Variants in PRKG1 observed in about 807,000 individuals in gnomAD.
PRKG1 encodes protein kinase cGMP-dependent 1.
In PRKG1, 35 loss-of-function variants were observed where a neutral mutation model predicts 88.1. The observed-to-expected ratio is 0.40, with a 90% CI of 0.30 to 0.53. The LOEUF (loss-of-function observed/expected upper bound fraction) is 0.53, where lower values mean the gene tolerates loss of function less well. PRKG1 is among the 20% of genes least tolerant of loss of function. The pLI is 0.59. For missense variants in PRKG1, 540 were observed against 839.8 expected (o/e 0.64, Z 4.41); for synonymous variants, 303 against 292.5 (o/e 1.04, Z -0.37).
intron 3 of PRKG1, among the ~76,000 whole-genome samples, chr10:51,730,699 A>G (rs1201960348): frequency 6.6e-6 from 1 of 152,252 alleles, no homozygotes; most frequent in East Asian, 1.9e-4. Context: ...GTCACAATCT[A>G]TGTAACCCCA....
At chr10:51,588,549 G>A (rs577141140) in intron 3 of PRKG1, among the ~76,000 whole-genome samples, 1 of 152,202 alleles carries the variant, frequency 6.6e-6, no homozygotes, top group East Asian at 1.9e-4. Context: ...ATATCTAAAT[G>A]GACTTTGCGA....
At chr10:51,993,442 C>T (rs1027041017) in intron 5 of PRKG1, among the ~76,000 whole-genome samples, 1 of 152,110 alleles carries the variant, frequency 6.6e-6, no homozygotes, top group Non-Finnish European at 1.5e-5. Flanking sequence ...AAAGCCCCCA[C>T]TTATTGAGCT....
intron 3 of PRKG1, among the ~76,000 whole-genome samples, chr10:51,777,677 A>G (rs895402976): frequency 3.3e-5 from 5 of 152,144 alleles, no homozygotes; most frequent in Non-Finnish European, 7.4e-5. Flanking sequence ...TGTACATTCT[A>G]TGGGTGTGGA....
At chr10:51,115,896 A>G (rs1190426494) in intron 1 of PRKG1, among the ~76,000 whole-genome samples, 2 of 151,960 alleles carry the variant, frequency 1.3e-5, no homozygotes, top group East Asian at 1.9e-4. Flanking sequence ...AAGAATTGTC[A>G]TAGTGCAAAC....
intron 2 of PRKG1, among the ~76,000 whole-genome samples, chr10:51,430,537 T>C (rs1838731888): frequency 6.6e-6 from 1 of 152,208 alleles, no homozygotes; most frequent in African/African-American, 2.4e-5. Context: ...ATAGCCTCTT[T>C]GATAAACAGT....
chr10:51,341,161 A>G (rs1841995788), intron 2 of PRKG1, among the ~76,000 whole-genome samples: 1 of 152,336 alleles, frequency 6.6e-6, no homozygotes, highest in Non-Finnish European at 1.5e-5. Context: ...AAGGGATTTA[A>G]CAAGAGGTGC....
chr10:51,297,302 T>C (rs1840746171), intron 2 of PRKG1, among the ~76,000 whole-genome samples: 1 of 152,128 alleles, frequency 6.6e-6, no homozygotes, highest in Non-Finnish European at 1.5e-5. Context: ...CACTTCTAGA[T>C]GGTGAACCTG....
chr10:51,611,043 G>C (rs10740313), intron 3 of PRKG1, among the ~76,000 whole-genome samples: 1 of 150,922 alleles, frequency 6.6e-6, no homozygotes, highest in Non-Finnish European at 1.5e-5. Context: ...ATGCATCCTG[G>C]AACTTACAGT....
At chr10:51,656,545 T>C (rs971104600) in intron 3 of PRKG1, among the ~76,000 whole-genome samples, 2 of 151,756 alleles carry the variant, frequency 1.3e-5, no homozygotes, top group African/African-American at 4.9e-5. Flanking sequence ...CCTAAACTGA[T>C]TCTTTCACCG....
At chr10:51,530,985 T>C (rs548780723) in intron 3 of PRKG1, among the ~76,000 whole-genome samples, 64 of 152,152 alleles carry the variant, frequency 4.2e-4, no homozygotes, top group Non-Finnish European at 7.1e-4. Flanking sequence ...ATCTCTCCGT[T>C]GAGTCAGTGA....
At chr10:51,316,713 A>AAAC (rs1841331603) in intron 2 of PRKG1, among the ~76,000 whole-genome samples, 1 of 139,002 alleles carries the variant, frequency 7.2e-6, no homozygotes, top group Non-Finnish European at 1.6e-5. Flanking sequence ...AATAAATAAA[A>AAAC]AGACAAAAAT....
chr10:51,110,686 A>G (rs1175673346), intron 1 of PRKG1, among the ~76,000 whole-genome samples: 1 of 152,102 alleles, frequency 6.6e-6, no homozygotes, highest in African/African-American at 2.4e-5. Context: ...ATATTTGTGT[A>G]TATTTTATAC....
chr10:52,006,569 C>A (rs546916635), intron 5 of PRKG1, among the ~76,000 whole-genome samples: 2 of 151,832 alleles, frequency 1.3e-5, no homozygotes, highest in African/African-American at 2.4e-5. Flanking sequence ...CTCAGTCAGA[C>A]CAAAATGAAG....
intron 2 of PRKG1, among the ~76,000 whole-genome samples, chr10:51,460,131 G>A (rs1302945792): frequency 6.6e-6 from 1 of 152,066 alleles, no homozygotes; most frequent in Non-Finnish European, 1.5e-5. Context: ...CTAAATGCCA[G>A]AGGACCCCCT....
intron 2 of PRKG1, among the ~76,000 whole-genome samples, chr10:51,162,518 A>G (rs1272237624): frequency 6.6e-6 from 1 of 152,240 alleles, no homozygotes; most frequent in Non-Finnish European, 1.5e-5. Flanking sequence ...ATTAAAATCA[A>G]TCTGAGAATT....
At chr10:51,041,710 C>T (rs1843426469) in intron 1 of PRKG1, among the ~76,000 whole-genome samples, 1 of 152,130 alleles carries the variant, frequency 6.6e-6, no homozygotes, top group South Asian at 2.1e-4. Context: ...AAGACAAAGT[C>T]CTCTTTACAT....
intron 3 of PRKG1, among the ~76,000 whole-genome samples, chr10:51,759,045 C>T (rs1006911466): frequency 2.0e-5 from 3 of 152,224 alleles, no homozygotes; most frequent in South Asian, 2.1e-4. Context: ...TTTATGGCTG[C>T]ATAGTATTCC....
intron 4 of PRKG1, among the ~76,000 whole-genome samples, chr10:51,846,735 G>A (rs1245250491): frequency 6.6e-6 from 1 of 152,000 alleles, no homozygotes; most frequent in Non-Finnish European, 1.5e-5. Flanking sequence ...ATTTAATTCT[G>A]TTGCCTCTTA....
chr10:51,547,725 C>T (rs1276582759), intron 3 of PRKG1, among the ~76,000 whole-genome samples: 1 of 152,042 alleles, frequency 6.6e-6, no homozygotes, highest in East Asian at 1.9e-4. Flanking sequence ...ATTATGTTAC[C>T]TGTAATCTGC....
Sources: gnomAD v4.1 joint callset for allele counts (sites outside exome capture counted in the v4.1 genomes callset) on GRCh38, gnomAD v4.1.1 for gene constraint, MANE v1.5 for transcripts, NCBI Gene and HGNC (gene_info 2026-07-23, HGNC 2026-07-21) for gene names.